Variants in PLAAT1 observed in about 807,000 individuals in gnomAD.
The protein encoded by PLAAT1 is phospholipase A and acyltransferase 1, also known as H-REV107 protein-related protein.
Under a neutral mutation model 16.4 loss-of-function variants are expected in PLAAT1, and 13 were observed. The observed-to-expected ratio is 0.79, with a 90% CI of 0.52 to 1.26. The LOEUF is 1.26. PLAAT1 is among the 50% of genes most tolerant of loss of function. PLAAT1 has a pLI of 0.00. For synonymous variants in PLAAT1, 73 were observed against 78.4 expected (o/e 0.93, Z 0.36); for missense variants, 218 against 207.8 (o/e 1.05, Z -0.30).
chr3:193,268,437 T>C (rs1386136848), intron 3 of PLAAT1, among the ~76,000 whole-genome samples: 1 of 152,202 alleles, frequency 6.6e-6, no homozygotes, highest in African/African-American at 2.4e-5. Flanking sequence ...GAACGAGGCC[T>C]TTATTATGGC....
intron 1 of PLAAT1, among the ~76,000 whole-genome samples, chr3:193,243,239 A>T (rs79731529): frequency 0.028 from 4,210 of 152,308 alleles, 83 homozygotes; most frequent in Middle Eastern, 0.072. Flanking sequence ...GGATGTTATA[A>T]ATGTGTCTTT....
chr3:193,261,946 C>T (rs533014674), intron 2 of PLAAT1, among the ~76,000 whole-genome samples: 6 of 152,156 alleles, frequency 3.9e-5, no homozygotes, highest in Non-Finnish European at 5.9e-5. Context: ...TCTCACATTC[C>T]GTGAGAAGGA....
Position 193,270,687 on chromosome 3 carries a change from A to G in PLAAT1, c.489A>G (p.Gln163=), listed in dbSNP as rs1560106543. ...TCCTGGGCTTGTTTCCAAAAGGACA[A>G]AGAGCAAAATACTATTAACAATTTA... ...FSFLGLFPKG[Q]RAKYY is the part of the protein sequence containing the mutation. The change falls in exon 4 of 4, where the codon CAA becomes CAG. Residue 163 remains glutamine (Q), a synonymous_variant. Transcript: ENST00000264735. 2.5e-6 allele frequency: 4 copies of G among 1,613,576 alleles called. No individual in the cohort carries two copies. The highest frequency in any genetic ancestry group is 3.4e-6 in the Non-Finnish European group (4 of 1,179,622).
intron 1 of PLAAT1, among the ~76,000 whole-genome samples, chr3:193,247,506 C>G (rs1716023894): frequency 6.6e-6 from 1 of 152,130 alleles, no homozygotes; most frequent in African/African-American, 2.4e-5. Flanking sequence ...GAGAACATTC[C>G]TTTTGCTTAA....
downstream of PLAAT1, chr3:193,275,450 G>A: frequency 2.2e-6 from 2 of 917,168 alleles, no homozygotes; most frequent in Non-Finnish European, 3.2e-6. Flanking sequence ...CCCAAGTTCT[G>A]GAATTCTGCC....
chr3:193,275,441 C>T, downstream of PLAAT1: 1 of 994,262 alleles, frequency 1.0e-6, no homozygotes, highest in South Asian at 1.6e-5. Context: ...CTCTCCTTTC[C>T]CAAGTTCTGG....
intron 3 of PLAAT1, among the ~76,000 whole-genome samples, chr3:193,267,488 T>C (rs1405296644): frequency 6.6e-6 from 1 of 152,228 alleles, no homozygotes; most frequent in Non-Finnish European, 1.5e-5. Flanking sequence ...TTGGCTTCTT[T>C]CATGTAATAA....
intron 3 of PLAAT1, among the ~76,000 whole-genome samples, chr3:193,265,525 C>G (rs1716750098): frequency 6.6e-6 from 1 of 152,056 alleles, no homozygotes; most frequent in African/African-American, 2.4e-5. Context: ...TAAGAGGTAT[C>G]TTTTTGGAAT....
At position 193,263,063 on chromosome 3, in the gene PLAAT1, A is replaced by G. The variant is rs1390983718; in HGVS notation, c.233A>G (p.Asp78Gly). ...MQLLKDVVGN[D>G]TYRINNKYDE... ...CTCTTGAAGGATGTTGTGGGAAATG[A>G]CACATACAGAATAAACAATAAATAC... The change falls in exon 3 of 4, where the codon GAC (aspartate) becomes GGC (glycine). Residue 78 changes from aspartate to glycine, a missense_variant. Asp to Gly is a moderately conservative substitution (Grantham distance 94, BLOSUM62 -1). Coordinates refer to ENST00000264735, the MANE Select transcript of PLAAT1 (RefSeq NM_020386.5). 1 of 1,614,166 alleles carries G rather than the reference A, an allele frequency of 6.2e-7. No individual in the cohort carries two copies. The highest frequency in any genetic ancestry group is 8.5e-7 in the Non-Finnish European group (1 of 1,180,022).
downstream of PLAAT1, chr3:193,274,853 T>C: frequency 7.0e-6 from 5 of 717,006 alleles, no homozygotes; most frequent in Admixed American, 2.8e-5. Context: ...TTTTCTCTCA[T>C]TGGTAAAGCA....
At chr3:193,274,058 A>C (rs1247839766), downstream of PLAAT1, among the ~76,000 whole-genome samples, 2 of 152,164 alleles carry the variant, frequency 1.3e-5, no homozygotes, top group Non-Finnish European at 2.9e-5. Context: ...AGCCTGGACA[A>C]CATGGTGAAA....
At position 193,270,586 on chromosome 3, in the gene PLAAT1, C is replaced by T. The variant is rs1487590328; in HGVS notation, c.406-18C>T. 2.5e-6 allele frequency: 4 copies of T among 1,603,756 alleles called. No homozygotes were observed. The highest frequency in any genetic ancestry group is 3.5e-5 in the Admixed American group (2 of 57,872). ...TAGAATATGATGTGTTTTTTGTTTA[C>T]TTCTTGTTTCCTTATAGGCCAACCG... On this transcript the variant is annotated intron_variant, in intron 3 of 3. Transcript: ENST00000264735.
At chr3:193,266,449 C>T (rs1257123245) in intron 3 of PLAAT1, among the ~76,000 whole-genome samples, 4 of 152,138 alleles carry the variant, frequency 2.6e-5, no homozygotes, top group African/African-American at 7.2e-5. Flanking sequence ...AGACCCAAGA[C>T]CCATGAAAAA....
intron 1 of PLAAT1, 137 bp downstream of exon 1, chr3:193,241,670 G>T: frequency 5.5e-6 from 3 of 550,380 alleles, no homozygotes; most frequent in Non-Finnish European, 8.2e-6. Flanking sequence ...CACAGACTGG[G>T]GAACTCAGTC....
chr3:193,257,531 A>G (rs1716422816), intron 2 of PLAAT1, among the ~76,000 whole-genome samples: 1 of 152,224 alleles, frequency 6.6e-6, no homozygotes, highest in South Asian at 2.1e-4. Flanking sequence ...CCACAGTGCA[A>G]TAAAAACAGA....
intron 1 of PLAAT1, among the ~76,000 whole-genome samples, chr3:193,253,730 A>G (rs1188089641): frequency 6.6e-6 from 1 of 152,056 alleles, no homozygotes; most frequent in Non-Finnish European, 1.5e-5. Context: ...TAGTCAAGTT[A>G]TTTTCCCTTT....
chr3:193,264,730 G>A (rs183032562), intron 3 of PLAAT1, among the ~76,000 whole-genome samples: 1 of 152,240 alleles, frequency 6.6e-6, no homozygotes, highest in Non-Finnish European at 1.5e-5. Flanking sequence ...GGCCAGGCTG[G>A]TCTCAAACTC....
At chr3:193,251,420 G>T (rs1041834885) in intron 1 of PLAAT1, among the ~76,000 whole-genome samples, 1 of 152,170 alleles carries the variant, frequency 6.6e-6, no homozygotes, top group Non-Finnish European at 1.5e-5. Flanking sequence ...TACTGGAAAA[G>T]AACATAGCCA....
intron 2 of PLAAT1, chr3:193,276,920 TA>T (rs1328725474): frequency 5.1e-6 from 5 of 988,326 alleles, no homozygotes; most frequent in Non-Finnish European, 7.6e-6. Context: ...AGATTTGTAA[TA>T]ACTCTCTGAG....
Sources: allele counts gnomAD v4.1 joint callset (sites outside exome capture counted in the v4.1 genomes callset), GRCh38; gene constraint gnomAD v4.1.1; transcripts MANE v1.5; gene names NCBI Gene and HGNC (gene_info 2026-07-23, HGNC 2026-07-21).